The following SFSWAP variants were observed in gnomAD, a reference collection of about 807,000 sequenced individuals.
SFSWAP encodes the protein splicing factor, suppressor of white-apricot homolog.
Under a neutral mutation model 100.7 loss-of-function variants are expected in SFSWAP, and 17 were observed. The ratio of observed to expected loss-of-function variants is 0.17; its 90% CI spans 0.12 to 0.25. The LOEUF (loss-of-function observed/expected upper bound fraction) is 0.25, where lower values mean the gene tolerates loss of function less well. Ranked by LOEUF, SFSWAP falls within the 10% of genes least tolerant of loss-of-function variation. The pLI, the probability that SFSWAP is intolerant of heterozygous loss-of-function variation, is 1.00. For missense variants in SFSWAP, 1,005 were observed against 1,262.6 expected (o/e 0.80, Z 3.09); for synonymous variants, 504 against 510.1 (o/e 0.99, Z 0.16).
chr12:131,774,169 C>T (rs1883831315), intron 13 of SFSWAP, among the ~76,000 whole-genome samples: 3 of 152,170 alleles, frequency 2.0e-5, no homozygotes, highest in Non-Finnish European at 4.4e-5. Context: ...TGGGAGGATG[C>T]ACCTGGGCAG....
chr12:131,734,056 C>G lies in SFSWAP; in HGVS notation c.1081+5628C>G, dbSNP rs1879767205. Among the ~76,000 whole-genome samples the G allele has an allele frequency of 6.6e-6, 1 of 152,246 alleles. No individual in the cohort carries two copies. The highest frequency in any genetic ancestry group is 2.4e-5 in the African/African-American group (1 of 41,468). On this transcript the variant is annotated intron_variant, in intron 7 of 17. Coordinates refer to ENST00000261674, the MANE Select transcript of SFSWAP (RefSeq NM_004592.4). This position sits in a 1 kb window ranked among gnomAD's most constrained non-coding sequence, Gnocchi z 4.9. ...TTCTTCTGTCCTAGGTGAGTGCCCACCCTGTGGCACTGAGACCCAACAGCT... is the reference window on the plus strand; with the variant it reads ...TTCTTCTGTCCTAGGTGAGTGCCCAGCCTGTGGCACTGAGACCCAACAGCT...
At chr12:131,738,062 T>C (rs956203421) in intron 7 of SFSWAP, among the ~76,000 whole-genome samples, 1 of 152,166 alleles carries the variant, frequency 6.6e-6, no homozygotes, top group African/African-American at 2.4e-5. Flanking sequence ...GGGTTTTTTT[T>C]AATAAAATGC....
At chr12:131,716,887 G>T (rs910170589) in intron 3 of SFSWAP, among the ~76,000 whole-genome samples, 1 of 152,310 alleles carries the variant, frequency 6.6e-6, no homozygotes, top group Non-Finnish European at 1.5e-5. Context: ...GAGAACTTCA[G>T]CATGACTTAG....
At chr12:131,748,338 T>TG (rs2136217573) in intron 7 of SFSWAP, among the ~76,000 whole-genome samples, 1 of 152,252 alleles carries the variant, frequency 6.6e-6, no homozygotes, top group East Asian at 1.9e-4. Flanking sequence ...TTTGTATTTT[T>TG]TAGTAGAGAC....
intron 12 of SFSWAP, 63 bp downstream of exon 12, chr12:131,764,749 C>A: frequency 2.4e-6 from 3 of 1,237,744 alleles, no homozygotes; most frequent in Non-Finnish European, 2.3e-6. Context: ...GATTTATCTG[C>A]TAAGCCAAAA....
chr12:131,759,044 G>A (rs1882424959), intron 11 of SFSWAP, among the ~76,000 whole-genome samples: 1 of 152,148 alleles, frequency 6.6e-6, no homozygotes, highest in South Asian at 2.1e-4. Context: ...CCAAGACCAC[G>A]CCACTGTGTT....
intron 4 of SFSWAP, among the ~76,000 whole-genome samples, chr12:131,724,684 CATG>C (rs1406412229): frequency 2.0e-5 from 3 of 152,226 alleles, no homozygotes; most frequent in Non-Finnish European, 2.9e-5. Flanking sequence ...ATGCTAAGAG[CATG>C]AGGTTCGTTG....
Position 131,730,995 on chromosome 12 carries a change from GT to G in SFSWAP, c.1081+2568del, listed in dbSNP as rs1348447067. Among the ~76,000 whole-genome samples, 12 of 152,292 alleles carry G rather than the reference GT, an allele frequency of 7.9e-5. No individual in the cohort carries two copies. In the East Asian group the frequency reaches 1.9e-3, roughly 25 times the overall value. Reference sequence around the variant, plus strand: ...ATATGCTCCTGCATCAGCCATAGGGGTCAGAGCCCTCCTATGAGCCTCCTCG... The same window carrying G: ...ATATGCTCCTGCATCAGCCATAGGGGCAGAGCCCTCCTATGAGCCTCCTCG... On this transcript the variant is annotated intron_variant, in intron 7 of 17. Coordinates refer to ENST00000261674, the MANE Select transcript of SFSWAP (RefSeq NM_004592.4). The surrounding 1 kb of genome is among the most constrained non-coding windows in gnomAD (Gnocchi z 4.0).
chr12:131,747,888 G>A (rs1881285094), intron 7 of SFSWAP, among the ~76,000 whole-genome samples: 1 of 152,216 alleles, frequency 6.6e-6, no homozygotes, highest in Non-Finnish European at 1.5e-5. Flanking sequence ...GAATTTTGCA[G>A]CCATCAAGTA....
At chr12:131,792,063 G>T (rs1489715604) in intron 15 of SFSWAP, among the ~76,000 whole-genome samples, 1 of 151,858 alleles carries the variant, frequency 6.6e-6, no homozygotes, top group Admixed American at 6.6e-5. Context: ...GTGTGTGCAC[G>T]TGTGTGTTCA....
Position 131,762,500 on chromosome 12 carries a change from C to T in SFSWAP, c.1721-1956C>T, listed in dbSNP as rs533075942. Among the ~76,000 whole-genome samples, 60 of 152,256 alleles carry T rather than the reference C, an allele frequency of 3.9e-4. 1 individual carries two copies. Among genetic ancestry groups the T allele is most frequent in the African/African-American group, 6.7e-4 (28 of 41,554 alleles). On this transcript the variant is annotated intron_variant, in intron 11 of 17. Coordinates refer to ENST00000261674, the MANE Select transcript of SFSWAP (RefSeq NM_004592.4). ...TCTTAATACTCTTATTTGTTGATTG[C>T]GTATTTTTCTAATTTGGGGAGATGG...
intron 13 of SFSWAP, among the ~76,000 whole-genome samples, chr12:131,775,180 TGAG>T (rs1394351679): frequency 6.6e-6 from 1 of 152,272 alleles, no homozygotes; most frequent in South Asian, 2.1e-4. Context: ...AGAGAGTAAA[TGAG>T]GAGAGTTCTT....
At chr12:131,715,282 G>C (rs1877786669) in intron 3 of SFSWAP, among the ~76,000 whole-genome samples, 1 of 152,114 alleles carries the variant, frequency 6.6e-6, no homozygotes, top group Non-Finnish European at 1.5e-5. Flanking sequence ...TGAAAGAATA[G>C]GTGTTAACTG....
chr12:131,755,767 T>C (rs780086451), intron 10 of SFSWAP, among the ~76,000 whole-genome samples: 3 of 152,258 alleles, frequency 2.0e-5, no homozygotes, highest in Non-Finnish European at 2.9e-5. Flanking sequence ...TTTGGCCGTC[T>C]ACAGTTACTA....
chr12:131,794,813 C>T lies in SFSWAP; in HGVS notation c.2535-2365C>T, dbSNP rs1319396490. Among the ~76,000 whole-genome samples the T allele has an allele frequency of 3.3e-5, 5 of 152,124 alleles. No homozygotes were observed. Among genetic ancestry groups the T allele is most frequent in the African/African-American group, 7.2e-5 (3 of 41,440 alleles). Reference sequence around the variant, plus strand: ...TTTCACCCAATGGACAGTGGCACCTCGGTGCTTTAAAAAAAAATGAATGAG... The same window carrying T: ...TTTCACCCAATGGACAGTGGCACCTTGGTGCTTTAAAAAAAAATGAATGAG... On this transcript the variant is annotated intron_variant, in intron 15 of 17. Coordinates refer to ENST00000261674, the MANE Select transcript of SFSWAP (RefSeq NM_004592.4). The surrounding 1 kb of genome is among the most constrained non-coding windows in gnomAD (Gnocchi z 4.8).
Position 131,711,364 on chromosome 12 carries a change from C to T in SFSWAP, c.135C>T (p.Phe45=), listed in dbSNP as rs1470724813. Residue 45 remains phenylalanine (F), a synonymous_variant, in exon 1 of 18, where the codon TTC becomes TTT. Transcript: ENST00000261674. The surrounding 1 kb of genome is among the most constrained non-coding windows in gnomAD (Gnocchi z 4.9). Reference sequence around the variant, plus strand: ...TTTTCGGCTATGCCTGCAAGCTGTTCCGGGACGACGAGCGGGCCCTGGCTC... The same window carrying T: ...TTTTCGGCTATGCCTGCAAGCTGTTTCGGGACGACGAGCGGGCCCTGGCTC... ...LLVFGYACKL[F]RDDERALAQE... The T allele has an allele frequency of 1.2e-6, 2 of 1,614,014 alleles. No homozygotes were observed. Among genetic ancestry groups the T allele is most frequent in the East Asian group, 2.2e-5 (1 of 44,880 alleles).
rs748778140 is a variant in SFSWAP, at chr12:131,755,472, G to A, written c.1541G>A (p.Ser514Asn). 2.5e-6 allele frequency: 4 copies of A among 1,611,410 alleles called. No homozygotes were observed. Among genetic ancestry groups the A allele is most frequent in the African/African-American group, 2.7e-5 (2 of 74,880 alleles). ...TTCCTCCAGAAAGAAGGGGGCGATA[G>A]CATGCAGGTACGTGTCTGAATGCAG... ...QFFLQKEGGDSMQAVSAPEEA... is the reference protein window; with the variant it reads ...QFFLQKEGGDNMQAVSAPEEA... The change falls in exon 10 of 18, where the codon AGC (serine) becomes AAC (asparagine). Residue 514 changes from serine to asparagine, a missense_variant. Ser to Asn is a conservative substitution (Grantham distance 46). This residue lies in a region of SFSWAP where 311 missense variants were observed against 317.8 expected (regional missense o/e 0.98). Transcript: ENST00000261674.
chr12:131,768,490 A>G (rs967901395), intron 13 of SFSWAP, among the ~76,000 whole-genome samples: 7 of 152,188 alleles, frequency 4.6e-5, no homozygotes, highest in Non-Finnish European at 8.8e-5. Flanking sequence ...CACATCTGGC[A>G]GGAGGCCTCA....
intron 5 of SFSWAP, among the ~76,000 whole-genome samples, chr12:131,726,579 C>T (rs1265803076): frequency 2.6e-5 from 4 of 152,160 alleles, no homozygotes; most frequent in Non-Finnish European, 5.9e-5. Context: ...TAATGCAGAT[C>T]TCATCTTCAG....
Sources: allele counts gnomAD v4.1 joint callset (sites outside exome capture counted in the v4.1 genomes callset), GRCh38; gene constraint gnomAD v4.1.1; regional missense constraint gnomAD v4.1.1; non-coding constraint Gnocchi (gnomAD v3.1); transcripts MANE v1.5; gene names NCBI Gene and HGNC (gene_info 2026-07-23, HGNC 2026-07-21).